The following GALNT5 variants were observed in gnomAD, a reference collection of about 807,000 sequenced individuals.
GALNT5 encodes polypeptide N-acetylgalactosaminyltransferase 5.
A neutral mutation model predicts 85.4 loss-of-function variants in GALNT5; 72 were observed. The ratio of observed to expected loss-of-function variants is 0.84; its 90% CI spans 0.70 to 1.03. The LOEUF (loss-of-function observed/expected upper bound fraction) is 1.03. Among genes scored for constraint, GALNT5 ranks in the 50% least tolerant of loss-of-function variants. GALNT5 has a pLI of 0.00. For missense variants in GALNT5, 1,137 were observed against 1,135.5 expected, an observed-to-expected ratio of 1.00 and a Z score of -0.02; for synonymous variants, 404 against 397.0, an observed-to-expected ratio of 1.02 and a Z score of -0.21.
Position 157,307,843 on chromosome 2 carries a change from C to T in GALNT5, c.2521-724C>T, listed in dbSNP as rs146628281. ...ACCCAGAGCATTAGAGTAAATTGACCGGGTAGACAATAGTAGGTTGTAAAC... is the reference window on the plus strand; with the variant it reads ...ACCCAGAGCATTAGAGTAAATTGACTGGGTAGACAATAGTAGGTTGTAAAC... On this transcript the variant is annotated intron_variant, in intron 8 of 9. Coordinates refer to ENST00000259056, the MANE Select transcript of GALNT5 (RefSeq NM_014568.3). Among the ~76,000 whole-genome samples the T allele has an allele frequency of 6.8e-4, 104 of 152,062 alleles. No individual in the cohort carries two copies. The Middle Eastern group carries it at 0.01, about 15-fold the overall frequency.
chr2:157,261,815 T>C (rs1042818228), intron 1 of GALNT5, among the ~76,000 whole-genome samples: 6 of 152,144 alleles, frequency 3.9e-5, no homozygotes, highest in African/African-American at 1.2e-4. Context: ...TTTGGAGTGT[T>C]TTTTGTTTTT....
intron 7 of GALNT5, chr2:157,302,383 T>C (rs1683362569): frequency 1.3e-5 from 2 of 152,204 alleles, no homozygotes; most frequent in South Asian, 4.1e-4. Flanking sequence ...GATAAATAAG[T>C]TTATGTGACC....
At chr2:157,294,366 T>G (rs928671364) in intron 3 of GALNT5, among the ~76,000 whole-genome samples, 1 of 152,144 alleles carries the variant, frequency 6.6e-6, no homozygotes, top group Non-Finnish European at 1.5e-5. Context: ...AAAAGGCTCC[T>G]TCTGTTATGT....
Position 157,311,946 on chromosome 2 carries a change from T to A in GALNT5, c.*598T>A, listed in dbSNP as rs372077089. On this transcript the variant is annotated 3_prime_UTR_variant, in exon 10 of 10. Transcript: ENST00000259056. ...CAGCATTTTGATCTAAATTACATAA[T>A]GGTTTTTCCCAATCTGAATCAGTGG... The A allele has an allele frequency of 3.9e-5, 6 of 152,274 alleles. No individual in the cohort carries two copies. In the South Asian group the frequency reaches 6.2e-4, roughly 16 times the overall value. 9.4% of individuals were successfully genotyped at this position (152,274 alleles called of 1,614,324 possible).
intron 1 of GALNT5, among the ~76,000 whole-genome samples, chr2:157,265,662 C>A (rs1682441742): frequency 1.3e-5 from 2 of 152,140 alleles, no homozygotes; most frequent in Non-Finnish European, 2.9e-5. Flanking sequence ...GTACTCTTGG[C>A]CCTGAAAATA....
intron 2 of GALNT5, 48 bp from the exon 3 acceptor site, chr2:157,285,967 G>A: frequency 4.1e-6 from 6 of 1,466,096 alleles, no homozygotes; most frequent in Non-Finnish European, 5.7e-6. Context: ...ATACTATCCG[G>A]ACTTACTTAA....
At position 157,258,772 on chromosome 2, in the gene GALNT5, A is replaced by G. The variant is rs778725384; in HGVS notation, c.690A>G (p.Arg230=). The G allele has an allele frequency of 9.3e-6, 15 of 1,609,676 alleles. No homozygotes were observed. In the African/African-American group the frequency reaches 1.7e-4, roughly 19 times the overall value. Residue 230 remains arginine (R), a synonymous_variant, in exon 1 of 10, where the codon CGA becomes CGG. Transcript: ENST00000259056. ...TTAGTACTGATAGACCAAAGCAGCG[A>G]TCACAGGCAGTAGCAAACGAGAGGG... The part of the protein sequence containing the change: ...ISLSTDRPKQ[R]SQAVANERAH...
In GALNT5 at chr2:157,257,922, T is replaced by C. The variant is rs1682222331; in HGVS notation, c.-161T>C. The C allele has an allele frequency of 1.4e-6, 1 of 702,192 alleles. No homozygotes were observed. 43.5% of individuals were successfully genotyped at this position (702,192 alleles called of 1,614,324 possible). Reference sequence around the variant, plus strand: ...GCAGAGACTGACAAGCGGTAGGAACTGAGCTTTCCCCTTGGACTGCTGCTT... The same window carrying C: ...GCAGAGACTGACAAGCGGTAGGAACCGAGCTTTCCCCTTGGACTGCTGCTT... On this transcript the variant is annotated 5_prime_UTR_variant, in exon 1 of 10. An upstream open reading frame in the 5' UTR loses its in-frame stop. Transcript: ENST00000259056.
chr2:157,280,362 AGAG>A (rs1682829240), intron 1 of GALNT5, among the ~76,000 whole-genome samples: 1 of 152,192 alleles, frequency 6.6e-6, no homozygotes, highest in African/African-American at 2.4e-5. Context: ...AGAGAGACAC[AGAG>A]GAGAAAGTGA....
Position 157,317,830 on chromosome 2 carries a change from TCA to T in GALNT5, c.*6483_*6484del, listed in dbSNP as rs1683750264. On this transcript the variant is annotated 3_prime_UTR_variant, in exon 10 of 10. Transcript: ENST00000259056. ...GTTCAGCTGCTTACTACTACCCATG[TCA>T]TTGTGTTTGTATTGATTGCCTGGCT... Among the ~76,000 whole-genome samples the T allele has an allele frequency of 6.6e-6, 1 of 152,100 alleles. No homozygotes were observed. The highest frequency in any genetic ancestry group is 6.6e-5 in the Admixed American group (1 of 15,250).
chr2:157,282,488 A>G (rs1449082910), intron 1 of GALNT5, among the ~76,000 whole-genome samples: 2 of 152,210 alleles, frequency 1.3e-5, no homozygotes, highest in East Asian at 3.8e-4. Context: ...ATAAACAACC[A>G]TCTAGGAAAC....
intron 1 of GALNT5, among the ~76,000 whole-genome samples, chr2:157,276,718 C>T (rs1464818144): frequency 6.6e-6 from 1 of 150,920 alleles, no homozygotes; most frequent in African/African-American, 2.4e-5. Flanking sequence ...TCTCTCTTTT[C>T]TTATTAGTCT....
intron 3 of GALNT5, among the ~76,000 whole-genome samples, chr2:157,293,261 C>A (rs1335332425): frequency 6.6e-6 from 1 of 152,150 alleles, no homozygotes; most frequent in Non-Finnish European, 1.5e-5. Flanking sequence ...AAGATCAAGG[C>A]ACTAGCAGAT....
At chr2:157,311,139 T>A in intron 9 of GALNT5, 69 bp from the exon 10 acceptor site, 3 of 1,232,634 alleles carry the variant, frequency 2.4e-6, no homozygotes, top group Non-Finnish European at 3.5e-6. Context: ...TTTAATTGAT[T>A]TTCATTTCTT....
At chr2:157,302,948 A>G (rs1190108744) in intron 7 of GALNT5, among the ~76,000 whole-genome samples, 1 of 152,278 alleles carries the variant, frequency 6.6e-6, no homozygotes, top group Non-Finnish European at 1.5e-5. Context: ...TTAAAAAATT[A>G]GGACCTTTCT....
Position 157,271,214 on chromosome 2 carries a change from T to C in GALNT5, c.1454+11678T>C, listed in dbSNP as rs115371087. Among the ~76,000 whole-genome samples, 675 of 152,102 alleles carry C rather than the reference T, an allele frequency of 4.4e-3. 5 individuals carry two copies. The highest frequency in any genetic ancestry group is 0.015 in the African/African-American group (634 of 41,494). On this transcript the variant is annotated intron_variant, in intron 1 of 9. Transcript: ENST00000259056. ...GCCAGCTGCGAAGACATGGGAAGGG[T>C]AGCAAAAATGCTAGAAGTTAAGCAA...
intron 3 of GALNT5, among the ~76,000 whole-genome samples, chr2:157,287,896 A>T (rs1683013286): frequency 6.6e-6 from 1 of 152,208 alleles, no homozygotes; most frequent in Non-Finnish European, 1.5e-5. Flanking sequence ...GAATCCTCAC[A>T]ATAACTCTAT....
intron 5 of GALNT5, 73 bp from the exon 6 acceptor site, chr2:157,299,475 G>A: frequency 3.4e-6 from 3 of 871,782 alleles, no homozygotes; most frequent in Non-Finnish European, 1.9e-6. Context: ...CCGTACAGAT[G>A]TACAGAGGAA....
rs190431138 is a variant in GALNT5, at chr2:157,308,567, C to T, written c.2521C>T (p.Leu841Phe). ...ACCTCTTTATTCATTTCCCCCACAG[C>T]TTCAACAATTTAATTACACCTGGTT... Reference protein sequence around the residue: ...ILEDCDGSKELQQFNYTWLRL... With the variant: ...ILEDCDGSKEFQQFNYTWLRL... The change falls in exon 9 of 10, where the codon CTT (leucine) becomes TTT (phenylalanine). Residue 841 changes from leucine (L) to phenylalanine (F), a missense_variant and splice_region_variant. Leu to Phe is a conservative substitution (Grantham distance 22, BLOSUM62 0). Transcript: ENST00000259056. The T allele has an allele frequency of 5.0e-6, 8 of 1,604,214 alleles. No homozygotes were observed. In the East Asian group the frequency reaches 1.3e-4, roughly 27 times the overall value.
Sources: gnomAD v4.1 joint callset for allele counts (sites outside exome capture counted in the v4.1 genomes callset) on GRCh38, gnomAD v4.1.1 for gene constraint, MANE v1.5 for transcripts, NCBI Gene and HGNC (gene_info 2026-07-23, HGNC 2026-07-21) for gene names.